Variants in HHIPL2 observed in about 807,000 individuals in gnomAD.
HHIPL2 encodes the protein HHIP-like protein 2.
Under a neutral mutation model 61.0 loss-of-function variants are expected in HHIPL2, and 61 were observed. The observed-to-expected ratio is 1.00, with a 90% CI of 0.81 to 1.24. The LOEUF is 1.24. Among genes scored for constraint, HHIPL2 ranks in the 50% most tolerant of loss-of-function variants. The probability of loss-of-function intolerance (pLI) is 0.00; values close to 1 mark genes in which losing one functional copy is unlikely to be tolerated. For missense variants in HHIPL2, 885 were observed against 910.2 expected (o/e 0.97, Z 0.36); for synonymous variants, 343 against 357.4 (o/e 0.96, Z 0.45).
intron 1 of HHIPL2, among the ~76,000 whole-genome samples, chr1:222,546,298 T>C (rs564938693): frequency 2.6e-5 from 4 of 152,332 alleles, no homozygotes; most frequent in Non-Finnish European, 5.9e-5. Flanking sequence ...AGCATCTGGC[T>C]CTGTGCCCCA....
intron 5 of HHIPL2, among the ~76,000 whole-genome samples, chr1:222,533,364 CAAAAAAAAAAAAG>C (rs1195098888): frequency 1.6e-5 from 2 of 127,904 alleles, no homozygotes; most frequent in Non-Finnish European, 3.4e-5. Flanking sequence ...GACTCTGTCT[CAAAAAAAAAAAAG>C]AAAAAAAGAA....
chr1:222,542,527 G>GGTTTTT, intron 2 of HHIPL2, among the ~76,000 whole-genome samples: 1 of 87,780 alleles, frequency 1.1e-5, no homozygotes, highest in African/African-American at 4.5e-5. Context: ...ACCACATCTG[G>GGTTTTT]CTTTTTTTTT....
chr1:222,528,468 G>C (rs892534292), intron 6 of HHIPL2, among the ~76,000 whole-genome samples: 1 of 152,170 alleles, frequency 6.6e-6, no homozygotes, highest in Non-Finnish European at 1.5e-5. Context: ...TTATCCAGGC[G>C]TGGTGGCACA....
chr1:222,538,528 A>T, intron 5 of HHIPL2, 120 bp downstream of exon 5: 2 of 905,960 alleles, frequency 2.2e-6, no homozygotes, highest in Non-Finnish European at 3.4e-6. Context: ...ATGAGTGCAT[A>T]CATTTGTAAA....
Position 222,543,678 on chromosome 1 carries a change from G to C in HHIPL2, c.833C>G (p.Ala278Gly), listed in dbSNP as rs751468493. The C allele has an allele frequency of 1.2e-6, 2 of 1,614,028 alleles. No individual in the cohort carries two copies. Among genetic ancestry groups the C allele is most frequent in the African/African-American group, 2.7e-5 (2 of 74,910 alleles). Residue 278 changes from alanine to glycine, a missense_variant, in exon 2 of 9, where the codon GCT becomes GGT. Transcript: ENST00000343410. Reference sequence around the variant, plus strand: ...ATTGTGGCGGAATTTGGGGTGAAAAGCCAACCCCAAGAAGCCTCTCTCATC... The same window carrying C: ...ATTGTGGCGGAATTTGGGGTGAAAACCCAACCCCAAGAAGCCTCTCTCATC... ...IGDERGFLGL[A>G]FHPKFRHNRK...
chr1:222,545,455 T>C (rs1275761417), intron 1 of HHIPL2, among the ~76,000 whole-genome samples: 1 of 152,070 alleles, frequency 6.6e-6, no homozygotes, highest in Non-Finnish European at 1.5e-5. Context: ...GGGGTGTCTG[T>C]TTCCATTTAA....
chr1:222,540,127 C>G lies in HHIPL2; in HGVS notation c.1333G>C (p.Val445Leu). Residue 445 changes from valine to leucine, a missense_variant, in exon 4 of 9, where the codon GTG becomes CTG. Physicochemically the swap from Val to Leu is conservative, Grantham distance 32. Coordinates refer to ENST00000343410, the MANE Select transcript of HHIPL2 (RefSeq NM_024746.4). ...QGRGRIFCGDVGQNRFEEVDL... is the reference protein window; with the variant it reads ...QGRGRIFCGDLGQNRFEEVDL... The stretch of plus-strand genomic sequence containing the variant: ...ACCTCTTCAAACCTGTTCTGGCCCA[C>G]GTCCCCACAGAATATCCGGCCTCGG... 1 of 1,614,270 alleles carries G rather than the reference C, an allele frequency of 6.2e-7. No individual in the cohort carries two copies. The highest frequency in any genetic ancestry group is 8.5e-7 in the Non-Finnish European group (1 of 1,180,044).
chr1:222,543,803 C>T lies in HHIPL2; in HGVS notation c.708G>A (p.Glu236=). The change falls in exon 2 of 9, where the codon GAG becomes GAA. Residue 236 remains glutamate, a synonymous_variant. Coordinates refer to ENST00000343410, the MANE Select transcript of HHIPL2 (RefSeq NM_024746.4). ...GDGTHRFFVA[E]QVGVVWVYLP... ...GGTAGACCCACACCACTCCTACCTG[C>T]TCGGCAACAAAGAAGCGATGGGTGC... The T allele has an allele frequency of 6.2e-7, 1 of 1,614,132 alleles. No homozygotes were observed. Among genetic ancestry groups the T allele is most frequent in the Non-Finnish European group, 8.5e-7 (1 of 1,180,018 alleles).
intron 6 of HHIPL2, among the ~76,000 whole-genome samples, chr1:222,529,413 G>C (rs917145190): frequency 6.6e-6 from 1 of 152,120 alleles, no homozygotes; most frequent in Non-Finnish European, 1.5e-5. Flanking sequence ...GTGTACACAG[G>C]CAGGGGCCCC....
chr1:222,526,329 G>A (rs1419719023), intron 7 of HHIPL2, among the ~76,000 whole-genome samples: 1 of 152,054 alleles, frequency 6.6e-6, no homozygotes, highest in Non-Finnish European at 1.5e-5. Flanking sequence ...CAGGGGACAG[G>A]GGAGCAGTAC....
At chr1:222,547,318 CCA>C (rs1659574948) in intron 1 of HHIPL2, among the ~76,000 whole-genome samples, 1 of 152,204 alleles carries the variant, frequency 6.6e-6, no homozygotes. Context: ...CCAGCAGATG[CCA>C]CCACTCCCTC....
At chr1:222,541,128 G>A (rs1659423400) in intron 3 of HHIPL2, among the ~76,000 whole-genome samples, 1 of 152,188 alleles carries the variant, frequency 6.6e-6, no homozygotes, top group Admixed American at 6.5e-5. Flanking sequence ...TGTGATGTAA[G>A]GGTTAAATGA....
At chr1:222,540,792 G>A (rs1056274806) in intron 3 of HHIPL2, among the ~76,000 whole-genome samples, 5 of 152,244 alleles carry the variant, frequency 3.3e-5, no homozygotes, top group Admixed American at 3.3e-4. Flanking sequence ...GCCAATGACT[G>A]TGGTCTCTGG....
chr1:222,533,190 C>T (rs891621646), intron 5 of HHIPL2, among the ~76,000 whole-genome samples: 2 of 151,918 alleles, frequency 1.3e-5, no homozygotes, highest in African/African-American at 4.8e-5. Context: ...CATGGCAAAA[C>T]CCCATCTCTA....
intron 7 of HHIPL2, among the ~76,000 whole-genome samples, chr1:222,525,558 G>T (rs1280917721): frequency 6.6e-6 from 1 of 152,190 alleles, no homozygotes; most frequent in Non-Finnish European, 1.5e-5. Context: ...CTAACCAGTG[G>T]CTGGACCTAT....
intron 1 of HHIPL2, 145 bp from the exon 2 acceptor site, chr1:222,544,334 C>T: frequency 1.2e-6 from 1 of 833,616 alleles, no homozygotes; most frequent in Non-Finnish European, 1.8e-6. Context: ...GCTGCTAAAA[C>T]TCTTCTCTGT....
In HHIPL2 at chr1:222,543,650, GC is replaced by G; in HGVS notation, c.860del (p.Arg287ProfsTer15). 1 of 1,614,074 alleles carries G rather than the reference GC, an allele frequency of 6.2e-7. No individual in the cohort carries two copies. ...LAFHPKFRHNRKFYIYYSCLD... is the reference protein window; with the variant it reads ...LAFHPKFRHNXKFYIYYSCLD... ...GGCACGAATAATAAATATAGAACTTGCGATTGTGGCGGAATTTGGGGTGAAA... is the reference window on the plus strand; with the variant it reads ...GGCACGAATAATAAATATAGAACTTGGATTGTGGCGGAATTTGGGGTGAAA... On this transcript the variant is annotated frameshift_variant, in exon 2 of 9. Coordinates refer to ENST00000343410, the MANE Select transcript of HHIPL2 (RefSeq NM_024746.4). LOFTEE classifies it high-confidence loss of function.
At chr1:222,534,577 TAAAAAA>T (rs67437927) in intron 5 of HHIPL2, among the ~76,000 whole-genome samples, 1 of 72,676 alleles carries the variant, frequency 1.4e-5, no homozygotes, top group African/African-American at 5.6e-5. Flanking sequence ...ACTCCATCTC[TAAAAAA>T]AAAAAAAAAA....
rs142768169 is a variant in HHIPL2 at position 222,546,047 on chromosome 1, A to AAAATAAAT, written c.321+1669_321+1676dup. Among the ~76,000 whole-genome samples, 1,149 of 141,344 alleles carry AAAATAAAT rather than the reference A, an allele frequency of 8.1e-3. 10 individuals carry two copies. The highest frequency in any genetic ancestry group is 1.0e-2 in the Non-Finnish European group (654 of 65,518). 92.7% of individuals were successfully genotyped at this position (141,344 alleles called of 152,430 possible). ...GTGACAGAGTAAGACTCTGTCTCAA[A>AAAATAAAT]AAATAAATAAATAAATAAATAAATA... On this transcript the variant is annotated intron_variant, in intron 1 of 8. Transcript: ENST00000343410.
Sources: allele counts gnomAD v4.1 joint callset (sites outside exome capture counted in the v4.1 genomes callset), GRCh38; gene constraint gnomAD v4.1.1; transcripts MANE v1.5; gene names NCBI Gene and HGNC (gene_info 2026-07-23, HGNC 2026-07-21).